Variants in CORO2A observed in about 807,000 individuals in gnomAD.
The protein encoded by CORO2A is coronin-2A.
A neutral mutation model predicts 62.4 loss-of-function variants in CORO2A; 47 were observed. That is an observed-to-expected ratio of 0.75 (90% CI 0.60 to 0.96). The LOEUF is 0.96. CORO2A is among the 40% of genes least tolerant of loss of function. The pLI, the probability that CORO2A is intolerant of heterozygous loss-of-function variation, is 0.00. For synonymous variants in CORO2A, 273 were observed against 268.9 expected (o/e 1.02, Z -0.15); for missense variants, 610 against 684.1 (o/e 0.89, Z 1.21).
At position 98,131,142 on chromosome 9, in the gene CORO2A, A is replaced by T. The variant is rs1029934954; in HGVS notation, c.766-83T>A. The stretch of plus-strand genomic sequence containing the variant: ...GCTCCCGGAGATAAGAATTGCTGCC[A>T]TGGTGCTCTGGGCGAGAGTGTGTGT... On this transcript the variant is annotated intron_variant, in intron 6 of 11. Coordinates refer to ENST00000375077, the MANE Select transcript of CORO2A (RefSeq NM_052820.4). The T allele has an allele frequency of 2.8e-5, 25 of 890,014 alleles. No homozygotes were observed. In the African/African-American group the frequency reaches 3.2e-4, roughly 11 times the overall value. The allele number at this position is 890,014 out of a possible 1,614,324, so 55.1% of individuals were successfully genotyped here.
intron 1 of CORO2A, among the ~76,000 whole-genome samples, chr9:98,163,711 G>GGTGT (rs72256502): frequency 7.2e-5 from 10 of 138,880 alleles, no homozygotes; most frequent in South Asian, 2.3e-4. Flanking sequence ...ATACATGCGG[G>GGTGT]GTGTGTGTGT....
At position 98,137,625 on chromosome 9, in the gene CORO2A, T is replaced by C; in HGVS notation, c.265A>G (p.Lys89Glu). 6 of 1,614,236 alleles carry C rather than the reference T, an allele frequency of 3.7e-6. No individual in the cohort carries two copies. The highest frequency in any genetic ancestry group is 5.1e-6 in the Non-Finnish European group (6 of 1,180,042). Residue 89 changes from lysine to glutamate, a missense_variant, in exon 3 of 12, where the codon AAG (lysine) becomes GAG (glutamate). Physicochemically the swap from Lys to Glu is moderately conservative, Grantham distance 56. Transcript: ENST00000375077. Reference protein sequence around the residue: ...CGHRGNVLDVKWNPFDDFEIA... With the variant: ...CGHRGNVLDVEWNPFDDFEIA... ...TCAAAATCATCAAAAGGGTTCCACT[T>C]GACATCCAAAACGTTGCCTCTGTGC...
intron 7 of CORO2A, among the ~76,000 whole-genome samples, chr9:98,130,565 T>C (rs1827390684): frequency 6.6e-6 from 1 of 152,164 alleles, no homozygotes. Flanking sequence ...ATGGGGAACA[T>C]TTCTGGTTGT....
At chr9:98,173,085 G>A (rs992227519) in intron 1 of CORO2A, among the ~76,000 whole-genome samples, 2 of 152,148 alleles carry the variant, frequency 1.3e-5, no homozygotes, top group Admixed American at 6.5e-5. Context: ...TGGGAGGATC[G>A]CTTAGGGCCA....
chr9:98,127,456 A>G (rs1445859036), intron 10 of CORO2A, among the ~76,000 whole-genome samples: 1 of 152,134 alleles, frequency 6.6e-6, no homozygotes, highest in African/African-American at 2.4e-5. Context: ...GGCTCAGGAC[A>G]GGCAGAGTGG....
At position 98,123,122 on chromosome 9, in the gene CORO2A, G is replaced by T. The variant is rs1189833462; in HGVS notation, c.*1652C>A. 2 of 152,278 alleles carry T rather than the reference G, an allele frequency of 1.3e-5. No homozygotes were observed. The highest frequency in any genetic ancestry group is 2.9e-5 in the Non-Finnish European group (2 of 68,106). 9.4% of individuals were successfully genotyped at this position (152,278 alleles called of 1,614,324 possible). A position where few individuals can be genotyped will look rare whatever the true frequency, so the allele number is the denominator to read the frequency against. ...AAGAAACTGAGACCAGAGAGGGCAG[G>T]ACTTGCAAGAGGTCACTGAGTAAGC... On this transcript the variant is annotated 3_prime_UTR_variant, in exon 12 of 12. Coordinates refer to ENST00000375077, the MANE Select transcript of CORO2A (RefSeq NM_052820.4).
intron 2 of CORO2A, among the ~76,000 whole-genome samples, chr9:98,138,225 G>A (rs1827515007): frequency 1.3e-5 from 2 of 152,022 alleles, no homozygotes; most frequent in East Asian, 1.9e-4. Context: ...GACCAGCCTG[G>A]CCAACATGGT....
intron 9 of CORO2A, 127 bp downstream of exon 9, chr9:98,128,480 T>C: frequency 2.3e-6 from 2 of 864,990 alleles, no homozygotes; most frequent in Non-Finnish European, 3.8e-6. Context: ...ACACTGGCTG[T>C]GAGAAAGGCC....
chr9:98,163,712 G>T (rs1427760210), intron 1 of CORO2A, among the ~76,000 whole-genome samples: 2 of 118,942 alleles, frequency 1.7e-5, no homozygotes, highest in African/African-American at 2.8e-5. Flanking sequence ...TACATGCGGG[G>T]TGTGTGTGTG....
intron 3 of CORO2A, among the ~76,000 whole-genome samples, chr9:98,136,976 C>T (rs1185527474): frequency 6.6e-6 from 1 of 152,218 alleles, no homozygotes; most frequent in Non-Finnish European, 1.5e-5. Context: ...GTGTGAGCCA[C>T]TGAACCTGGC....
At chr9:98,157,708 C>G (rs1230846485) in intron 1 of CORO2A, 48 bp from the exon 2 acceptor site, 1 of 1,524,842 alleles carries the variant, frequency 6.6e-7, no homozygotes, top group Non-Finnish European at 9.0e-7. Flanking sequence ...CTGCCCTGAT[C>G]ATGGGACACA....
intron 1 of CORO2A, among the ~76,000 whole-genome samples, chr9:98,158,996 T>C (rs1459400429): frequency 2.0e-5 from 3 of 152,028 alleles, no homozygotes; most frequent in African/African-American, 4.8e-5. Context: ...GGGCCTCCTC[T>C]TGGCCAGACG....
At chr9:98,173,435 G>A (rs957323443) in intron 1 of CORO2A, among the ~76,000 whole-genome samples, 9 of 152,196 alleles carry the variant, frequency 5.9e-5, no homozygotes, top group East Asian at 1.9e-4. Context: ...GAGGTTACAC[G>A]ATTAATAAGC....
chr9:98,135,449 AC>A (rs1360724251), intron 3 of CORO2A, among the ~76,000 whole-genome samples: 1 of 152,054 alleles, frequency 6.6e-6, no homozygotes, highest in African/African-American at 2.4e-5. Context: ...TTGGAGGTGC[AC>A]CCTGGATGGC....
chr9:98,128,771 T>G, intron 8 of CORO2A, 52 bp from the exon 9 acceptor site: 2 of 1,487,962 alleles, frequency 1.3e-6, no homozygotes, highest in Non-Finnish European at 1.9e-6. Flanking sequence ...GGGGCCACAG[T>G]GTTAGGGCCA....
chr9:98,128,516 G>C lies in CORO2A; in HGVS notation c.1080+91C>G, dbSNP rs983041718. On this transcript the variant is annotated intron_variant, in intron 9 of 11. Transcript: ENST00000375077. ...GCTCTGTGGCTGCCCCATGAACGTG[G>C]GCTCCAGGCTCTGGTGCCCGACAGC... 3 of 1,162,792 alleles carry C rather than the reference G, an allele frequency of 2.6e-6. No homozygotes were observed. The African/African-American group carries it at 4.5e-5, about 18-fold the overall frequency. 72.0% of individuals were successfully genotyped at this position (1,162,792 alleles called of 1,614,324 possible). A position where few individuals can be genotyped will look rare whatever the true frequency, so the allele number is the denominator to read the frequency against.
chr9:98,174,606 G>A (rs1312604739), intron 1 of CORO2A, among the ~76,000 whole-genome samples: 1 of 152,174 alleles, frequency 6.6e-6, no homozygotes, highest in Non-Finnish European at 1.5e-5. Context: ...ATTGGATCAT[G>A]GAGGCGGTTT....
At chr9:98,152,794 T>G (rs924288928) in intron 2 of CORO2A, among the ~76,000 whole-genome samples, 2 of 152,146 alleles carry the variant, frequency 1.3e-5, no homozygotes, top group Non-Finnish European at 2.9e-5. Flanking sequence ...AAGTCCAAAT[T>G]TAGAAACATT....
intron 2 of CORO2A, among the ~76,000 whole-genome samples, chr9:98,147,400 G>C (rs570987957): frequency 6.6e-6 from 1 of 152,180 alleles, no homozygotes; most frequent in African/African-American, 2.4e-5. Context: ...TCAGGTAAAA[G>C]GGATGAGTGA....
Sources: gnomAD v4.1 joint callset for allele counts (sites outside exome capture counted in the v4.1 genomes callset) on GRCh38, gnomAD v4.1.1 for gene constraint, MANE v1.5 for transcripts, NCBI Gene and HGNC (gene_info 2026-07-23, HGNC 2026-07-21) for gene names.